Variants in NOX4 observed in about 807,000 individuals in gnomAD.
NOX4 encodes the protein kidney oxidase-1.
Under a neutral mutation model 87.6 loss-of-function variants are expected in NOX4, and 69 were observed. The observed-to-expected ratio is 0.79, with a 90% CI of 0.65 to 0.96. NOX4 has a LOEUF of 0.96. Among genes scored for constraint, NOX4 ranks in the 40% least tolerant of loss-of-function variants. The pLI is 0.00. For synonymous variants in NOX4, 275 were observed against 238.2 expected (o/e 1.15, Z -1.42); for missense variants, 680 against 681.5 (o/e 1.00, Z 0.02).
At chr11:89,558,058 T>C in the NOX4 span, among the ~76,000 whole-genome samples, 2 of 152,130 alleles carry the variant, frequency 1.3e-5, no homozygotes, top group Non-Finnish European at 2.9e-5. Context: ...CCCAGAATGA[T>C]TGTACAGATC....
chr11:89,393,579 A>T (rs569167108), intron 11 of NOX4, among the ~76,000 whole-genome samples: 1 of 152,278 alleles, frequency 6.6e-6, no homozygotes, highest in Non-Finnish European at 1.5e-5. Context: ...ATAATTTCAG[A>T]AATGAAAGCA....
chr11:89,386,570 A>G (rs1196912587), intron 11 of NOX4, among the ~76,000 whole-genome samples: 4 of 151,422 alleles, frequency 2.6e-5, no homozygotes, highest in African/African-American at 7.3e-5. Flanking sequence ...CACACCATCA[A>G]TCTCCCTCAC....
intron 2 of NOX4, among the ~76,000 whole-genome samples, chr11:89,489,880 AAG>A: frequency 6.6e-6 from 1 of 152,318 alleles, no homozygotes; most frequent in South Asian, 2.1e-4. Flanking sequence ...ATAGAAAAGA[AAG>A]AAAAATATTA....
At chr11:89,562,271 T>A in the NOX4 span, among the ~76,000 whole-genome samples, 3 of 152,108 alleles carry the variant, frequency 2.0e-5, no homozygotes, top group Admixed American at 2.0e-4. Context: ...AAAACAGAAT[T>A]GAGACTTGGG....
chr11:89,461,023 T>C (rs748884055), intron 2 of NOX4, among the ~76,000 whole-genome samples: 38 of 152,034 alleles, frequency 2.5e-4, no homozygotes, highest in African/African-American at 3.9e-4. Flanking sequence ...ATGGGTGAAA[T>C]TGGAAATCAT....
chr11:89,462,173 A>C (rs533578284), intron 2 of NOX4, among the ~76,000 whole-genome samples: 3 of 152,254 alleles, frequency 2.0e-5, no homozygotes, highest in Admixed American at 2.0e-4. Flanking sequence ...TTAACAAAAA[A>C]ACAAACCACA....
intron 11 of NOX4, among the ~76,000 whole-genome samples, chr11:89,380,829 T>C (rs559687812): frequency 6.6e-6 from 1 of 152,290 alleles, no homozygotes; most frequent in African/African-American, 2.4e-5. Context: ...ATGGTTAAGA[T>C]AACATTGTCA....
At chr11:89,358,386 C>CAAAAAAAAAAAAA (rs10558391) in intron 12 of NOX4, among the ~76,000 whole-genome samples, 15 of 78,154 alleles carry the variant, frequency 1.9e-4, no homozygotes, top group South Asian at 4.9e-4. Flanking sequence ...AACTTAATCT[C>CAAAAAAAAAAAAA]AAAAAAAAAA....
chr11:89,529,174 CTG>C, the NOX4 span, among the ~76,000 whole-genome samples: 7 of 152,150 alleles, frequency 4.6e-5, no homozygotes. Context: ...ATAGAAAATT[CTG>C]TGTCTGATGT....
chr11:89,437,057 T>C (rs1044579387), intron 6 of NOX4, among the ~76,000 whole-genome samples: 1 of 151,982 alleles, frequency 6.6e-6, no homozygotes, highest in Non-Finnish European at 1.5e-5. Context: ...TGAAATCTAT[T>C]AACTAATAAA....
chr11:89,496,755 C>T (rs1430474423), upstream of NOX4, among the ~76,000 whole-genome samples: 2 of 152,088 alleles, frequency 1.3e-5, no homozygotes, highest in African/African-American at 2.4e-5. Flanking sequence ...ATACTGACTG[C>T]CTTCAGCTTC....
intron 8 of NOX4, among the ~76,000 whole-genome samples, chr11:89,416,212 T>A (rs1462577718): frequency 6.6e-6 from 1 of 152,126 alleles, no homozygotes; most frequent in Non-Finnish European, 1.5e-5. Flanking sequence ...ACTGCAAATG[T>A]ACAGGCAAGA....
the NOX4 span, among the ~76,000 whole-genome samples, chr11:89,575,463 T>C: frequency 1.6e-3 from 247 of 152,020 alleles, 3 homozygotes; most frequent in Middle Eastern, 0.01. Context: ...ATGAGAGAAA[T>C]TGAGTAAAAT....
chr11:89,423,217 C>G (rs1943181042), intron 7 of NOX4, among the ~76,000 whole-genome samples: 1 of 152,118 alleles, frequency 6.6e-6, no homozygotes, highest in Admixed American at 6.6e-5. Context: ...TTATTAATTA[C>G]AAACCCAACT....
At chr11:89,403,371 T>C (rs1941984809) in intron 8 of NOX4, among the ~76,000 whole-genome samples, 1 of 152,170 alleles carries the variant, frequency 6.6e-6, no homozygotes, top group Non-Finnish European at 1.5e-5. Flanking sequence ...GATTTGGAAA[T>C]GCTTGAAAAT....
At chr11:89,587,021 TGTACA>T in the NOX4 span, among the ~76,000 whole-genome samples, 2 of 152,106 alleles carry the variant, frequency 1.3e-5, no homozygotes, top group Non-Finnish European at 2.9e-5. Context: ...TATGTCCTAG[TGTACA>T]TATTATAAAG....
At chr11:89,351,235 G>A (rs1382760557) in intron 13 of NOX4, among the ~76,000 whole-genome samples, 1 of 152,154 alleles carries the variant, frequency 6.6e-6, no homozygotes, top group Non-Finnish European at 1.5e-5. Flanking sequence ...CCAGAACAAG[G>A]CCTTAACTCT....
At chr11:89,371,362 A>T (rs1259011339) in intron 12 of NOX4, among the ~76,000 whole-genome samples, 2 of 152,018 alleles carry the variant, frequency 1.3e-5, no homozygotes, top group African/African-American at 4.8e-5. Flanking sequence ...TCTCAGTGAC[A>T]TAATACATTA....
chr11:89,426,182 A>G (rs1312423542), intron 7 of NOX4, among the ~76,000 whole-genome samples: 3 of 152,198 alleles, frequency 2.0e-5, no homozygotes, highest in Non-Finnish European at 4.4e-5. Flanking sequence ...ATAGAACATC[A>G]TGTTAATTTA....
Sources: gnomAD v4.1 joint callset for allele counts (sites outside exome capture counted in the v4.1 genomes callset) on GRCh38, gnomAD v4.1.1 for gene constraint, MANE v1.5 for transcripts, NCBI Gene and HGNC (gene_info 2026-07-23, HGNC 2026-07-21) for gene names.